Variants in CTDSP1 observed in about 807,000 individuals in gnomAD.
CTDSP1 encodes the protein carboxy-terminal domain RNA polymerase II polypeptide A small phosphatase 1.
CTDSP1 carries 15 observed loss-of-function variants against 32.5 expected under a neutral mutation model. That is an observed-to-expected ratio of 0.46 (90% CI 0.31 to 0.71). The LOEUF (loss-of-function observed/expected upper bound fraction) is 0.71, where lower values mean the gene tolerates loss of function less well. Among genes scored for constraint, CTDSP1 ranks in the 30% least tolerant of loss-of-function variants. The pLI is 0.05. For synonymous variants in CTDSP1, 185 were observed against 145.4 expected, an observed-to-expected ratio of 1.27 and a Z score of -1.96; for missense variants, 294 against 351.1, an observed-to-expected ratio of 0.84 and a Z score of 1.30.
At chr2:218,399,693 C>T (rs961836999), upstream of CTDSP1, 13 of 975,864 alleles carry the variant, frequency 1.3e-5, no homozygotes, top group Admixed American at 7.3e-4. Flanking sequence ...CGGCGGGCGG[C>T]AGGAAGGGAG....
rs1047813043 is a variant in CTDSP1 at position 218,401,779 on chromosome 2, G to A, written c.216+67G>A. The A allele has an allele frequency of 6.4e-6, 9 of 1,414,818 alleles. No individual in the cohort carries two copies. The African/African-American group carries it at 8.6e-5, about 14-fold the overall frequency. The allele number at this position is 1,414,818 out of a possible 1,614,324, so 87.6% of individuals were successfully genotyped here. A position where few individuals can be genotyped will look rare whatever the true frequency, so the allele number is the denominator to read the frequency against. ...AGTCTTCAGGGCTTTAGGGGAAGGGGCTCCTGACTGAGCTTTTCAGGATGG... is the reference window on the plus strand; with the variant it reads ...AGTCTTCAGGGCTTTAGGGGAAGGGACTCCTGACTGAGCTTTTCAGGATGG... On this transcript the variant is annotated intron_variant, in intron 2 of 6. Transcript: ENST00000273062.
upstream of CTDSP1, among the ~76,000 whole-genome samples, chr2:218,397,595 C>T (rs530468599): frequency 1.3e-5 from 2 of 152,284 alleles, no homozygotes; most frequent in South Asian, 4.1e-4. Flanking sequence ...CCGTTCCTGC[C>T]CCTCCCCGTT....
chr2:218,398,570 TTCCCCTCCCGGCCCCCGCGCGGGGCC>T (rs1696940411), upstream of CTDSP1: 14 of 855,786 alleles, frequency 1.6e-5, no homozygotes, highest in South Asian at 6.2e-5. Flanking sequence ...CTCCCCTCCC[TTCCCCTCCCGGCCCCCGCGCGGGGCC>T]TCCCCTCCCC....
At chr2:218,404,029 T>G (rs941819781) in intron 6 of CTDSP1, among the ~76,000 whole-genome samples, 1 of 151,818 alleles carries the variant, frequency 6.6e-6, no homozygotes, top group Non-Finnish European at 1.5e-5. Context: ...CACTGCACTC[T>G]AGCCTGGGCA....
intron 1 of CTDSP1, chr2:218,401,187 C>T (rs1030400002): frequency 2.7e-6 from 1 of 367,318 alleles, no homozygotes; most frequent in Non-Finnish European, 5.3e-6. Context: ...GGGTCCCAGG[C>T]CCTGGCTGTC....
In CTDSP1 at chr2:218,399,980, T is replaced by TCCCTCCCTCCCACCCCTC. The variant is rs2106354280; in HGVS notation, c.-103_-86dup. 8 of 946,508 alleles carry TCCCTCCCTCCCACCCCTC rather than the reference T, an allele frequency of 8.5e-6. No homozygotes were observed. Among genetic ancestry groups the TCCCTCCCTCCCACCCCTC allele is most frequent in the South Asian group, 2.7e-5 (1 of 36,502 alleles). The allele number at this position is 946,508 out of a possible 1,614,324, so 58.6% of individuals were successfully genotyped here. ...CCCTCCCCTCCGGAGCTCGCGGGGATCCCTCCCTCCCACCCCTCCCCTCCC... is the reference window on the plus strand; with the variant it reads ...CCCTCCCCTCCGGAGCTCGCGGGGATCCCTCCCTCCCACCCCTCCCCTCCCTCCCACCCCTCCCCTCCC... On this transcript the variant is annotated 5_prime_UTR_variant, in exon 1 of 7. Transcript: ENST00000273062.
Position 218,400,133 on chromosome 2 carries a change from G to C in CTDSP1, c.43G>C (p.Ala15Pro), listed in dbSNP as rs1384862455. ...CATTACTCAGATCAGCAAGGAGGAG[G>C]CTCGGGGCCCGCTGCGGGGCAAAGG... is the stretch of plus-strand genomic sequence containing the variant. ...AVITQISKEEARGPLRGKGDQ... is the reference protein window; with the variant it reads ...AVITQISKEEPRGPLRGKGDQ... The change falls in exon 1 of 7, where the codon GCT becomes CCT. Residue 15 changes from alanine to proline, a missense_variant. Physicochemically the swap from Ala to Pro is conservative, Grantham distance 27 (BLOSUM62 -1). This residue lies in a region of CTDSP1 where 148 missense variants were observed against 113.3 expected (regional missense o/e 1.31). Transcript: ENST00000273062. 7 of 1,545,726 alleles carry C rather than the reference G, an allele frequency of 4.5e-6. No homozygotes were observed. Among genetic ancestry groups the C allele is most frequent in the Non-Finnish European group, 6.1e-6 (7 of 1,145,378 alleles).
chr2:218,403,911 C>G (rs926444832), intron 6 of CTDSP1, among the ~76,000 whole-genome samples: 1 of 152,128 alleles, frequency 6.6e-6, no homozygotes. Flanking sequence ...AATACAAAAA[C>G]TAGCCAGGCG....
chr2:218,398,900 T>A (rs112351349), upstream of CTDSP1: 2,683 of 153,080 alleles, frequency 0.018, 43 homozygotes, highest in South Asian at 0.057. Flanking sequence ...CGTTCCCAAG[T>A]GCCCAGCACT....
Position 218,403,043 on chromosome 2 carries a change from G to A in CTDSP1, c.387G>A (p.Val129=). The change falls in exon 5 of 7, where the codon GTG becomes GTA. Residue 129 remains valine, a synonymous_variant. Coordinates refer to ENST00000273062, the MANE Select transcript of CTDSP1 (RefSeq NM_021198.3). ...ACTGGCCCGCCCCCCAGGTCTACGT[G>A]TTGAAGCGTCCTCACGTGGATGAGT... is the stretch of plus-strand genomic sequence containing the variant. The part of the protein sequence containing the change: ...EIDGVVHQVY[V]LKRPHVDEFL... 1.2e-6 allele frequency: 2 copies of A among 1,613,972 alleles called. No individual in the cohort carries two copies. Among genetic ancestry groups the A allele is most frequent in the Non-Finnish European group, 1.7e-6 (2 of 1,179,972 alleles).
In CTDSP1 at chr2:218,400,000, C is replaced by T. The variant is rs1697026299; in HGVS notation, c.-91C>T. ...GGGGATCCCTCCCTCCCACCCCTCC[C>T]CTCCCCCCCGCGCCCCGATTCCGGC... On this transcript the variant is annotated 5_prime_UTR_variant, in exon 1 of 7. Transcript: ENST00000273062. 2 of 1,281,426 alleles carry T rather than the reference C, an allele frequency of 1.6e-6. No homozygotes were observed. The highest frequency in any genetic ancestry group is 4.2e-5 in the Admixed American group (1 of 23,772). The allele number at this position is 1,281,426 out of a possible 1,614,324, so 79.4% of individuals were successfully genotyped here.
chr2:218,398,593 G>A (rs950069305), upstream of CTDSP1: 3 of 656,268 alleles, frequency 4.6e-6, no homozygotes, highest in Non-Finnish European at 4.7e-6. Context: ...CCCCGCGCGG[G>A]GCCTCCCCTC....
At chr2:218,398,409 C>G (rs777731238), upstream of CTDSP1, 65 of 1,535,156 alleles carry the variant, frequency 4.2e-5, no homozygotes, top group Non-Finnish European at 5.4e-5. Flanking sequence ...GGTGATGAAG[C>G]GCAATGGTGG....
chr2:218,400,254 G>C, intron 1 of CTDSP1, 97 bp downstream of exon 1: 1 of 1,182,280 alleles, frequency 8.5e-7, no homozygotes, highest in Non-Finnish European at 1.2e-6. Context: ...GCCGCCCCGG[G>C]CGGCCGCCTT....
upstream of CTDSP1, among the ~76,000 whole-genome samples, chr2:218,397,186 G>C (rs576358249): frequency 2.8e-4 from 42 of 152,268 alleles, no homozygotes; most frequent in Admixed American, 7.2e-4. Flanking sequence ...AAGAAGACAC[G>C]GAGACCCGGC....
chr2:218,404,258 C>T (rs1574801952), intron 6 of CTDSP1, 39 bp from the exon 7 acceptor site: 1 of 1,605,102 alleles, frequency 6.2e-7, no homozygotes, highest in Non-Finnish European at 8.5e-7. Context: ...GCACCCAGGA[C>T]CACCTGCCCC....
At chr2:218,402,898 G>A in intron 4 of CTDSP1, 137 bp from the exon 5 acceptor site, 1 of 693,620 alleles carries the variant, frequency 1.4e-6, no homozygotes, top group Non-Finnish European at 2.6e-6. Flanking sequence ...AGTGGTCAGG[G>A]TAGCTGGCCA....
chr2:218,402,362 C>CAGT lies in CTDSP1; in HGVS notation c.335_336insAGT (p.Ala112_Asp113insVal), dbSNP rs1697189244. ...TTCCCCCCACAGCCAGTGAACAACG[C>CAGT]GGACTTCATCATCCCTGTGGAGATT... On this transcript the variant is annotated inframe_insertion, in exon 4 of 7. Transcript: ENST00000273062. 6.2e-7 allele frequency: 1 copy of CAGT among 1,613,612 alleles called. No homozygotes were observed. The highest frequency in any genetic ancestry group is 8.5e-7 in the Non-Finnish European group (1 of 1,179,790).
At position 218,402,250 on chromosome 2, in the gene CTDSP1, C is replaced by T. The variant is rs375845906; in HGVS notation, c.321+35C>T. 2.3e-4 allele frequency: 370 copies of T among 1,610,234 alleles called. 1 individual carries two copies. The highest frequency in any genetic ancestry group is 2.9e-4 in the Non-Finnish European group (344 of 1,176,862). ...GCTCAACAGCCCTCAGCCCGGGTCTCGGGGGGCATCCCCCACCCTGGCCTG... is the reference window on the plus strand; with the variant it reads ...GCTCAACAGCCCTCAGCCCGGGTCTTGGGGGGCATCCCCCACCCTGGCCTG... On this transcript the variant is annotated intron_variant, in intron 3 of 6. Coordinates refer to ENST00000273062, the MANE Select transcript of CTDSP1 (RefSeq NM_021198.3).
Sources: gnomAD v4.1 joint callset for allele counts (sites outside exome capture counted in the v4.1 genomes callset) on GRCh38, gnomAD v4.1.1 for gene constraint, gnomAD v4.1.1 regional missense constraint, MANE v1.5 for transcripts, NCBI Gene and HGNC (gene_info 2026-07-23, HGNC 2026-07-21) for gene names.